Variants in ASPH observed in about 807,000 individuals in gnomAD.
ASPH encodes the protein aspartyl/asparaginyl beta-hydroxylase.
A neutral mutation model predicts 118.4 loss-of-function variants in ASPH; 100 were observed. The ratio of observed to expected loss-of-function variants is 0.84; its 90% CI spans 0.72 to 1.00. ASPH has a LOEUF of 1.00. Ranked by LOEUF, ASPH falls within the 50% of genes least tolerant of loss-of-function variation. The pLI, the probability that ASPH is intolerant of heterozygous loss-of-function variation, is 0.00. For synonymous variants in ASPH, 315 were observed against 325.6 expected (o/e 0.97, Z 0.35); for missense variants, 920 against 919.5 (o/e 1.00, Z -0.01).
chr8:61,709,406 C>T (rs1192381883), intron 1 of ASPH, among the ~76,000 whole-genome samples: 2 of 152,186 alleles, frequency 1.3e-5, no homozygotes, highest in Admixed American at 6.5e-5. Context: ...AAGAAAAGAA[C>T]ATCCTGAATC....
At chr8:61,664,902 T>C (rs529535424) in intron 3 of ASPH, 24 of 1,022,296 alleles carry the variant, frequency 2.3e-5, no homozygotes, top group Middle Eastern at 9.5e-4. Flanking sequence ...CAAGGCATTA[T>C]GCACAGAAAT....
At position 61,714,296 on chromosome 8, in the gene ASPH, C is replaced by A. The variant is rs1019837641; in HGVS notation, c.76G>T (p.Gly26Cys). ...CTCCGGGCCCCGGGGCTGCTGCTGC[C>A]CGCACTCGTGCTACCGCTGCCGGAG... ...SGSGSGSTSA[G>C]SSSPGARRET... The change falls in exon 1 of 25, where the codon GGC (glycine) becomes TGC (cysteine). Residue 26 changes from glycine to cysteine, a missense_variant. Physicochemically the swap from Gly to Cys is radical, Grantham distance 159 (BLOSUM62 -3). Coordinates refer to ENST00000379454, the MANE Select transcript of ASPH (RefSeq NM_004318.4). 6.6e-7 allele frequency: 1 copy of A among 1,522,330 alleles called. No homozygotes were observed. The highest frequency in any genetic ancestry group is 8.8e-7 in the Non-Finnish European group (1 of 1,136,346). 94.3% of individuals were successfully genotyped at this position (1,522,330 alleles called of 1,614,324 possible).
intron 21 of ASPH, among the ~76,000 whole-genome samples, chr8:61,539,732 G>A (rs1233195513): frequency 6.6e-6 from 1 of 150,530 alleles, no homozygotes; most frequent in African/African-American, 2.4e-5. Context: ...GTGTGTGTGT[G>A]TGTGTGTGTC....
intron 21 of ASPH, among the ~76,000 whole-genome samples, chr8:61,534,350 C>G (rs1171859190): frequency 6.6e-6 from 1 of 152,184 alleles, no homozygotes; most frequent in Non-Finnish European, 1.5e-5. Context: ...ATCCAACCAT[C>G]TAGTGATGCT....
chr8:61,593,515 T>G (rs550959509), intron 14 of ASPH, among the ~76,000 whole-genome samples: 1 of 152,350 alleles, frequency 6.6e-6, no homozygotes, highest in East Asian at 1.9e-4. Context: ...TGCTAACTTA[T>G]ACAACCCAGT....
intron 14 of ASPH, among the ~76,000 whole-genome samples, chr8:61,596,584 C>G (rs908000909): frequency 6.6e-6 from 1 of 152,226 alleles, no homozygotes; most frequent in Non-Finnish European, 1.5e-5. Flanking sequence ...ACCACAGCCT[C>G]CACTAAAATT....
At chr8:61,629,749 A>G (rs1227810304) in intron 13 of ASPH, among the ~76,000 whole-genome samples, 5 of 152,254 alleles carry the variant, frequency 3.3e-5, no homozygotes, top group Admixed American at 2.6e-4. Flanking sequence ...GCTGAAGAAT[A>G]TATAACACAT....
At chr8:61,625,754 A>G in intron 13 of ASPH, 1 of 985,606 alleles carries the variant, frequency 1.0e-6, no homozygotes, top group Middle Eastern at 5.2e-4. Flanking sequence ...AGGTATATAC[A>G]ACTCAAATCT....
At chr8:61,676,792 G>C (rs1825625169) in intron 3 of ASPH, among the ~76,000 whole-genome samples, 2 of 151,972 alleles carry the variant, frequency 1.3e-5, no homozygotes, top group Non-Finnish European at 1.5e-5. Context: ...AACTAGAAAG[G>C]TTTATTTCCT....
intron 5 of ASPH, among the ~76,000 whole-genome samples, chr8:61,647,322 C>T (rs1009486766): frequency 6.6e-6 from 1 of 152,174 alleles, no homozygotes; most frequent in African/African-American, 2.4e-5. Context: ...CAGGTAACAA[C>T]TTTAAATGAC....
rs546129656 is a variant in ASPH, at chr8:61,663,297, G to A, written c.323-9637C>T. ...GCTTTGTGCACAGGTGTGCGCCTGG[G>A]AAGAATCACCATCCTCAACTACAAA... On this transcript the variant is annotated intron_variant, in intron 3 of 24. Transcript: ENST00000379454. 11 of 985,276 alleles carry A rather than the reference G, an allele frequency of 1.1e-5. No homozygotes were observed. In the South Asian group the frequency reaches 4.7e-4, roughly 42 times the overall value. 61.0% of individuals were successfully genotyped at this position (985,276 alleles called of 1,614,324 possible).
intron 16 of ASPH, among the ~76,000 whole-genome samples, chr8:61,574,687 G>T (rs1172913804): frequency 1.3e-5 from 2 of 152,114 alleles, no homozygotes; most frequent in Non-Finnish European, 1.5e-5. Context: ...ATCACACACC[G>T]CGGCCTGTCG....
chr8:61,661,241 C>G lies in ASPH; in HGVS notation c.323-7581G>C, dbSNP rs372214091. The G allele has an allele frequency of 4.6e-5, 7 of 152,224 alleles. No homozygotes were observed. The East Asian group carries it at 1.2e-3, about 25-fold the overall frequency. 9.4% of individuals were successfully genotyped at this position (152,224 alleles called of 1,614,324 possible). On this transcript the variant is annotated intron_variant, in intron 3 of 24. Transcript: ENST00000379454. ...AATATTTGTTTTGCAATCTGTTGAC[C>G]TAAGTAGGAATAGGAAGCACAGTTT...
At chr8:61,706,451 GAAGA>G in intron 1 of ASPH, among the ~76,000 whole-genome samples, 8 of 123,396 alleles carry the variant, frequency 6.5e-5, no homozygotes, top group Admixed American at 2.3e-4. Context: ...AGAAGAAGAA[GAAGA>G]AGGAGGAAGA....
intron 14 of ASPH, among the ~76,000 whole-genome samples, chr8:61,599,557 CAAAT>C (rs1160813644): frequency 6.7e-6 from 1 of 149,856 alleles, no homozygotes; most frequent in African/African-American, 2.5e-5. Flanking sequence ...AGAGAAGACC[CAAAT>C]AAATAAAATC....
chr8:61,695,241 CA>C (rs1208709163), intron 1 of ASPH, among the ~76,000 whole-genome samples: 8 of 152,194 alleles, frequency 5.3e-5, no homozygotes, highest in African/African-American at 1.9e-4. Flanking sequence ...ATACAGCAGA[CA>C]AAATATTTTT....
chr8:61,551,904 G>A (rs1173326006), intron 20 of ASPH, among the ~76,000 whole-genome samples: 2 of 152,124 alleles, frequency 1.3e-5, no homozygotes, highest in Non-Finnish European at 2.9e-5. Context: ...CATTTCAGTT[G>A]ACTGGTAGGT....
In ASPH at chr8:61,708,167, A is replaced by G. The variant is rs920366493; in HGVS notation, c.103+6102T>C. 1.2e-4 allele frequency among the ~76,000 whole-genome samples: 19 copies of G among 152,318 alleles called. No individual in the cohort carries two copies. In the South Asian group the frequency reaches 3.7e-3, roughly 30 times the overall value. On this transcript the variant is annotated intron_variant, in intron 1 of 24. Coordinates refer to ENST00000379454, the MANE Select transcript of ASPH (RefSeq NM_004318.4). Reference sequence around the variant, plus strand: ...ATCCACTGCATTACTCTCTACAATTATTTATAGGCTTAAATATGTACTATT... The same window carrying G: ...ATCCACTGCATTACTCTCTACAATTGTTTATAGGCTTAAATATGTACTATT...
At chr8:61,597,875 C>T (rs6471963) in intron 14 of ASPH, among the ~76,000 whole-genome samples, 132,467 of 152,208 alleles carry the variant, frequency 0.87, 57,893 homozygotes, top group African/African-American at 0.91. Flanking sequence ...CAAGAAATGC[C>T]TAAGAGGGTC....
Sources: gnomAD v4.1 joint callset for allele counts (sites outside exome capture counted in the v4.1 genomes callset) on GRCh38, gnomAD v4.1.1 for gene constraint, MANE v1.5 for transcripts, NCBI Gene and HGNC (gene_info 2026-07-23, HGNC 2026-07-21) for gene names.